FOXP2: variants seen among roughly 807,000 people sequenced by gnomAD.
FOXP2 encodes the protein forkhead box protein P2.
Under a neutral mutation model 115.8 loss-of-function variants are expected in FOXP2, and 12 were observed. That is an observed-to-expected ratio of 0.10 (90% CI 0.07 to 0.17). The LOEUF (loss-of-function observed/expected upper bound fraction) is 0.17, where lower values mean the gene tolerates loss of function less well. FOXP2 is among the 10% of genes least tolerant of loss of function. FOXP2 has a pLI of 1.00. For missense variants in FOXP2, 629 were observed against 843.5 expected (o/e 0.75, Z 3.15); for synonymous variants, 328 against 297.7 (o/e 1.10, Z -1.05).
chr7:114,475,620 G>C (rs1796222686), intron 2 of FOXP2, among the ~76,000 whole-genome samples: 1 of 151,804 alleles, frequency 6.6e-6, no homozygotes, highest in South Asian at 2.1e-4. Context: ...AGATGTCCTT[G>C]GTGCCTTAAA....
At chr7:114,211,530 A>G (rs1282454800) in intron 1 of FOXP2, among the ~76,000 whole-genome samples, 1 of 152,224 alleles carries the variant, frequency 6.6e-6, no homozygotes, top group Non-Finnish European at 1.5e-5. Flanking sequence ...CAATGGGAGA[A>G]CTTGGATATT....
chr7:114,300,586 T>C lies in FOXP2; in HGVS notation c.-11+12477T>C, dbSNP rs73716389. 5.4e-3 allele frequency among the ~76,000 whole-genome samples: 827 copies of C among 152,134 alleles called. 3 individuals carry two copies. Among genetic ancestry groups the C allele is most frequent in the African/African-American group, 0.019 (785 of 41,530 alleles). On this transcript the variant is annotated intron_variant, in intron 2 of 17. Transcript: ENST00000634411. ...TCTCAACTGGTTGCAATTCTCTGAG[T>C]AGTACACTACTATAGGTATAATTAA...
At position 114,195,160 on chromosome 7, in the gene FOXP2, ATAT is replaced by A. The variant is rs564425377; in HGVS notation, c.-102+32076_-102+32078del. Among the ~76,000 whole-genome samples the A allele has an allele frequency of 4.3e-3, 660 of 152,270 alleles. 5 individuals carry two copies. Among genetic ancestry groups the A allele is most frequent in the African/African-American group, 0.015 (609 of 41,568 alleles). On this transcript the variant is annotated intron_variant, in intron 1 of 17. Coordinates refer to the FOXP2 transcript ENST00000634411. ...TTTACAGAGGGAGAGGAGCCGATGA[ATAT>A]TATAAGGAAAAGCAGAAGTGCATGA...
intron 1 of FOXP2, among the ~76,000 whole-genome samples, chr7:114,271,045 T>G (rs566776207): frequency 6.6e-6 from 1 of 152,140 alleles, no homozygotes; most frequent in Non-Finnish European, 1.5e-5. Flanking sequence ...TTGTATTGCT[T>G]CTGTTCCTTT....
At chr7:114,481,790 A>G (rs1329487180) in intron 2 of FOXP2, among the ~76,000 whole-genome samples, 1 of 150,666 alleles carries the variant, frequency 6.6e-6, no homozygotes, top group Non-Finnish European at 1.5e-5. Flanking sequence ...CTATCTATCT[A>G]TCTATCTATC....
chr7:114,432,299 A>G (rs2129207805), intron 2 of FOXP2, among the ~76,000 whole-genome samples: 1 of 152,148 alleles, frequency 6.6e-6, no homozygotes, highest in South Asian at 2.1e-4. Flanking sequence ...TGTTGTCTTT[A>G]CAACATTCAG....
intron 2 of FOXP2, among the ~76,000 whole-genome samples, chr7:114,403,944 T>A (rs1792954028): frequency 6.6e-6 from 1 of 152,206 alleles, no homozygotes; most frequent in Non-Finnish European, 1.5e-5. Context: ...CAGCAACTTA[T>A]GTCTTGGGTT....
In FOXP2 at chr7:114,690,033, A is replaced by C. The variant is rs763037482; in HGVS notation, c.*107A>C. The C allele has an allele frequency of 7.1e-7, 1 of 1,398,784 alleles. No individual in the cohort carries two copies. Among genetic ancestry groups the C allele is most frequent in the Non-Finnish European group, 1.0e-6 (1 of 998,980 alleles). 86.6% of individuals were successfully genotyped at this position (1,398,784 alleles called of 1,614,324 possible). On this transcript the variant is annotated 3_prime_UTR_variant, in exon 17 of 17. Coordinates refer to ENST00000350908, the MANE Select transcript of FOXP2 (RefSeq NM_014491.4). Reference sequence around the variant, plus strand: ...TTTTTACTGTGACTATTTATTAAGCATGGATAAAGGAGACAGCCCTAAAGG... The same window carrying C: ...TTTTTACTGTGACTATTTATTAAGCCTGGATAAAGGAGACAGCCCTAAAGG...
At chr7:114,200,837 T>A (rs1416639448) in intron 1 of FOXP2, among the ~76,000 whole-genome samples, 1 of 152,148 alleles carries the variant, frequency 6.6e-6, no homozygotes, top group Non-Finnish European at 1.5e-5. Context: ...CATTGACCAT[T>A]TCAAAGAAGC....
rs12705976 is a variant in FOXP2 at position 114,676,047 on chromosome 7, C to G, written c.2003+11611C>G. Among the ~76,000 whole-genome samples, 446 of 147,160 alleles carry G rather than the reference C, an allele frequency of 3.0e-3. 3 individuals are homozygous for G. Among genetic ancestry groups the G allele is most frequent in the Non-Finnish European group, 4.0e-3 (267 of 67,000 alleles). ...GCCTCAGCCTCCTGAGTAGCTGGGACTACAGATATACACCACCAGGCCCGG... is the reference window on the plus strand; with the variant it reads ...GCCTCAGCCTCCTGAGTAGCTGGGAGTACAGATATACACCACCAGGCCCGG... On this transcript the variant is annotated intron_variant, in intron 16 of 16. Transcript: ENST00000350908.
At chr7:114,176,079 A>G (rs1793280766) in intron 1 of FOXP2, among the ~76,000 whole-genome samples, 1 of 152,032 alleles carries the variant, frequency 6.6e-6, no homozygotes, top group African/African-American at 2.4e-5. Flanking sequence ...TAAAATTTAT[A>G]TTAGCAGCAT....
intron 1 of FOXP2, among the ~76,000 whole-genome samples, chr7:114,254,684 A>G (rs1795556361): frequency 6.6e-6 from 1 of 152,164 alleles, no homozygotes; most frequent in African/African-American, 2.4e-5. Flanking sequence ...TATTCTAGTT[A>G]GCCATTCGTC....
chr7:114,523,769 C>T (rs946858728), intron 2 of FOXP2, among the ~76,000 whole-genome samples: 2 of 152,140 alleles, frequency 1.3e-5, no homozygotes, highest in African/African-American at 2.4e-5. Context: ...TTAATAACCT[C>T]GTGAGCGTTC....
At chr7:114,374,162 T>C (rs1792083872) in intron 2 of FOXP2, among the ~76,000 whole-genome samples, 1 of 152,234 alleles carries the variant, frequency 6.6e-6, no homozygotes, top group South Asian at 2.1e-4. Context: ...AAATTTTGAT[T>C]ACAACAAACA....
chr7:114,680,279 A>C (rs1808015997), intron 16 of FOXP2, among the ~76,000 whole-genome samples: 1 of 152,166 alleles, frequency 6.6e-6, no homozygotes, highest in East Asian at 1.9e-4. Flanking sequence ...GGATCGATTA[A>C]ATTTGAAGTC....
chr7:114,628,397 G>T, intron 3 of FOXP2, 143 bp from the exon 4 acceptor site: 1 of 1,087,880 alleles, frequency 9.2e-7, no homozygotes, highest in Non-Finnish European at 1.4e-6. Context: ...CTATTGTAAA[G>T]AAGTTATAGT....
intron 11 of FOXP2, 130 bp downstream of exon 11, chr7:114,658,397 A>C: frequency 1.0e-6 from 1 of 979,666 alleles, no homozygotes; most frequent in Non-Finnish European, 1.6e-6. Context: ...TAATTGTTTT[A>C]TTCCTGGTAA....
At chr7:114,462,888 G>T (rs1795640891) in intron 2 of FOXP2, among the ~76,000 whole-genome samples, 1 of 152,150 alleles carries the variant, frequency 6.6e-6, no homozygotes, top group South Asian at 2.1e-4. Context: ...TAAGTCCTAT[G>T]ATCTGAAGCA....
At chr7:114,285,881 C>T (rs1796455059) in intron 1 of FOXP2, among the ~76,000 whole-genome samples, 1 of 151,886 alleles carries the variant, frequency 6.6e-6, no homozygotes. Context: ...TAGGTGTTCT[C>T]TCAGTTTACC....
Sources: gnomAD v4.1 joint callset for allele counts (sites outside exome capture counted in the v4.1 genomes callset) on GRCh38, gnomAD v4.1.1 for gene constraint, MANE v1.5 for transcripts, NCBI Gene and HGNC (gene_info 2026-07-23, HGNC 2026-07-21) for gene names.